The following LYPD5 variants were observed in gnomAD, a reference collection of about 807,000 sequenced individuals.
LYPD5 encodes ly6/PLAUR domain-containing protein 5.
In LYPD5, 21 loss-of-function variants were observed where a neutral mutation model predicts 19.1. That is an observed-to-expected ratio of 1.10 (90% confidence interval 0.78 to 1.58). The LOEUF (loss-of-function observed/expected upper bound fraction) is 1.58, where lower values mean the gene tolerates loss of function less well. LYPD5 is among the 40% of genes most tolerant of loss of function. The pLI, the probability that LYPD5 is intolerant of heterozygous loss-of-function variation, is 0.00. For missense variants in LYPD5, 287 were observed against 329.8 expected (o/e 0.87, Z 1.00); for synonymous variants, 128 against 142.7 (o/e 0.90, Z 0.74).
intron 1 of LYPD5, among the ~76,000 whole-genome samples, chr19:43,801,994 G>A (rs1004247213): frequency 6.6e-6 from 1 of 152,186 alleles, no homozygotes; most frequent in African/African-American, 2.4e-5. Flanking sequence ...GCAAGGAAGA[G>A]AAGAAAGGCT....
intron 1 of LYPD5, among the ~76,000 whole-genome samples, chr19:43,819,640 C>T (rs184107345): frequency 1.3e-5 from 2 of 152,102 alleles, no homozygotes; most frequent in East Asian, 1.9e-4. Context: ...CCCTGGAGAT[C>T]GATGGGTCAG....
chr19:43,807,450 A>T (rs1317007621), intron 1 of LYPD5, among the ~76,000 whole-genome samples: 2 of 151,596 alleles, frequency 1.3e-5, no homozygotes, highest in African/African-American at 4.8e-5. Context: ...CGCCCAGCTA[A>T]TTTTTGTGTT....
chr19:43,815,234 T>C (rs1454526099), intron 1 of LYPD5, among the ~76,000 whole-genome samples: 1 of 152,080 alleles, frequency 6.6e-6, no homozygotes, highest in Non-Finnish European at 1.5e-5. Context: ...CCAGTCATGA[T>C]GGGTCACGCC....
At chr19:43,812,856 C>G (rs1970338369) in intron 1 of LYPD5, among the ~76,000 whole-genome samples, 1 of 152,162 alleles carries the variant, frequency 6.6e-6, no homozygotes, top group Non-Finnish European at 1.5e-5. Context: ...GTGGTAACTT[C>G]TAGGTCATCA....
At chr19:43,803,974 A>G (rs558192995), upstream of LYPD5, among the ~76,000 whole-genome samples, 2 of 152,098 alleles carry the variant, frequency 1.3e-5, no homozygotes, top group Admixed American at 1.3e-4. Flanking sequence ...AGTAGCTGGG[A>G]TTACAGGCAT....
intron 1 of LYPD5, among the ~76,000 whole-genome samples, chr19:43,817,721 A>AT (rs201274723): frequency 0.015 from 2,206 of 145,818 alleles, 33 homozygotes; most frequent in African/African-American, 0.033. Flanking sequence ...GACTTTATTT[A>AT]TTTTTTTTTT....
upstream of LYPD5, chr19:43,802,493 T>C (rs1298519218): frequency 2.3e-6 from 2 of 878,952 alleles, no homozygotes; most frequent in Non-Finnish European, 1.8e-6. Flanking sequence ...TATTTCTTCG[T>C]CCCACCCTCC....
chr19:43,812,221 T>G (rs1288335553), intron 1 of LYPD5, among the ~76,000 whole-genome samples: 1 of 152,170 alleles, frequency 6.6e-6, no homozygotes, highest in African/African-American at 2.4e-5. Flanking sequence ...TTATGTTTGC[T>G]AATGTCCCAT....
chr19:43,807,337 A>G (rs1203950492), upstream of LYPD5, among the ~76,000 whole-genome samples: 1 of 148,886 alleles, frequency 6.7e-6, no homozygotes, highest in Non-Finnish European at 1.5e-5. Flanking sequence ...CTGGAGTGCA[A>G]TGGTGTGATC....
upstream of LYPD5, among the ~76,000 whole-genome samples, chr19:43,805,912 T>C (rs1287978563): frequency 2.8e-5 from 1 of 36,100 alleles, no homozygotes; most frequent in Non-Finnish European, 6.2e-5. Context: ...AGTGTATTCA[T>C]GTTTTGTACA....
chr19:43,798,739 A>C, intron 3 of LYPD5, 73 bp downstream of exon 3: 1 of 1,565,498 alleles, frequency 6.4e-7, no homozygotes, highest in East Asian at 2.3e-5. Flanking sequence ...CGCCCAGCGG[A>C]GGCCACGCCT....
At chr19:43,804,979 G>A (rs1970258995), upstream of LYPD5, among the ~76,000 whole-genome samples, 2 of 152,164 alleles carry the variant, frequency 1.3e-5, no homozygotes, top group Non-Finnish European at 2.9e-5. Flanking sequence ...AGGTACTTTT[G>A]GAGACTTTGA....
At chr19:43,815,352 AAAG>A (rs1970362706) in intron 1 of LYPD5, among the ~76,000 whole-genome samples, 1 of 151,832 alleles carries the variant, frequency 6.6e-6, no homozygotes, top group South Asian at 2.1e-4. Context: ...AAAAAAAAAG[AAAG>A]AAAGAAAAAG....
chr19:43,809,786 A>G (rs1366725693), intron 1 of LYPD5, among the ~76,000 whole-genome samples: 1 of 152,248 alleles, frequency 6.6e-6, no homozygotes, highest in African/African-American at 2.4e-5. Context: ...AATACTGAAT[A>G]CAGACAATGT....
chr19:43,818,312 G>T (rs918645133), intron 1 of LYPD5, among the ~76,000 whole-genome samples: 11 of 152,198 alleles, frequency 7.2e-5, no homozygotes, highest in Non-Finnish European at 1.3e-4. Context: ...AGCCGGTACA[G>T]TTCCAGGGAA....
At chr19:43,799,119 C>T in intron 2 of LYPD5, 131 bp from the exon 3 acceptor site, 1 of 627,358 alleles carries the variant, frequency 1.6e-6, no homozygotes, top group Admixed American at 3.7e-5. Flanking sequence ...CCTCCTTCCT[C>T]TCACCCCCAG....
chr19:43,814,012 G>A (rs1413914182), intron 1 of LYPD5, among the ~76,000 whole-genome samples: 2 of 151,972 alleles, frequency 1.3e-5, no homozygotes, highest in South Asian at 2.1e-4. Context: ...GTAGGAATTA[G>A]GATGAGACAC....
chr19:43,802,302 C>T lies in LYPD5; in HGVS notation c.64+15G>A. The T allele has an allele frequency of 1.3e-6, 2 of 1,550,882 alleles. No homozygotes were observed. Among genetic ancestry groups the T allele is most frequent in the South Asian group, 1.2e-5 (1 of 84,044 alleles). On this transcript the variant is annotated intron_variant, in intron 1 of 4. Transcript: ENST00000377950. ...ACCTGCCCCTTCTCACTACTGGATT[C>T]AGAAGTTTGCGTACCTGTCAGGCAG...
rs999283842 is a variant in LYPD5 at position 43,796,821 on chromosome 19, C to T, written c.*770G>A. The T allele has an allele frequency of 1.3e-5, 2 of 152,346 alleles. No homozygotes were observed. The highest frequency in any genetic ancestry group is 2.9e-5 in the Non-Finnish European group (2 of 68,028). 9.4% of individuals were successfully genotyped at this position (152,346 alleles called of 1,614,324 possible). ...TGCTGTGTCCCAAGTACTAAATGTT[C>T]ATCTCGTTGAATCCTCACTGCAACT... On this transcript the variant is annotated 3_prime_UTR_variant, in exon 5 of 5. Transcript: ENST00000377950.
Sources: allele counts gnomAD v4.1 joint callset (sites outside exome capture counted in the v4.1 genomes callset), GRCh38; gene constraint gnomAD v4.1.1; transcripts MANE v1.5; gene names NCBI Gene and HGNC (gene_info 2026-07-23, HGNC 2026-07-21).